Variants in DUSP22 observed in about 807,000 individuals in gnomAD.
The protein encoded by DUSP22 is dual specificity phosphatase 22, also known as dual specificity protein phosphatase 22.
In DUSP22, 24 loss-of-function variants were observed where a neutral mutation model predicts 24.5. The ratio of observed to expected loss-of-function variants is 0.98; its 90% CI spans 0.71 to 1.38. DUSP22 has a LOEUF of 1.38. Ranked by LOEUF, DUSP22 falls within the 40% of genes most tolerant of loss-of-function variation. DUSP22 has a pLI of 0.00. For synonymous variants in DUSP22, 160 were observed against 106.4 expected (o/e 1.50, Z -3.10); for missense variants, 330 against 269.2 (o/e 1.23, Z -1.58).
chr6:339,779 C>T (rs565192875), intron 4 of DUSP22, among the ~76,000 whole-genome samples: 2 of 152,418 alleles, frequency 1.3e-5, no homozygotes, highest in African/African-American at 4.8e-5. Context: ...ATCTTTTTGT[C>T]TATATTTTCT....
chr6:311,628 C>T (rs577403887), intron 2 of DUSP22, among the ~76,000 whole-genome samples: 15 of 152,176 alleles, frequency 9.9e-5, no homozygotes, highest in Non-Finnish European at 1.9e-4. Flanking sequence ...TGCAGTGAGC[C>T]GAGATGGCGC....
At chr6:293,264 G>C (rs1370161671) in intron 1 of DUSP22, among the ~76,000 whole-genome samples, 8 of 152,284 alleles carry the variant, frequency 5.3e-5, no homozygotes, top group African/African-American at 1.9e-4. Context: ...CTCACTTCCC[G>C]GGCGGTGGGC....
chr6:334,910 C>G (rs1338155479), intron 3 of DUSP22, among the ~76,000 whole-genome samples: 9 of 152,292 alleles, frequency 5.9e-5, no homozygotes, highest in Admixed American at 4.6e-4. Flanking sequence ...CAAACCAAAG[C>G]AGGATTATTT....
chr6:334,828 AC>A (rs1759290868), intron 3 of DUSP22, among the ~76,000 whole-genome samples: 1 of 152,306 alleles, frequency 6.6e-6, no homozygotes, highest in South Asian at 2.1e-4. Flanking sequence ...GTTGAAACTT[AC>A]TGAAAAGTAC....
chr6:319,137 T>TAA (rs60613949), intron 3 of DUSP22, among the ~76,000 whole-genome samples: 71 of 150,046 alleles, frequency 4.7e-4, no homozygotes, highest in East Asian at 1.9e-3. Context: ...TTCCTCTATT[T>TAA]AAAAAAAAAA....
intron 1 of DUSP22, among the ~76,000 whole-genome samples, chr6:301,536 G>A (rs17751693): frequency 0.091 from 13,526 of 148,328 alleles, 58 homozygotes; most frequent in Non-Finnish European, 0.14. Flanking sequence ...CACCCAGGAA[G>A]AATATGGCTT....
intron 4 of DUSP22, among the ~76,000 whole-genome samples, chr6:336,314 AG>A (rs1318027102): frequency 6.6e-6 from 1 of 152,300 alleles, no homozygotes; most frequent in Non-Finnish European, 1.5e-5. Context: ...GCTGTGGTGA[AG>A]TTTGTGAATT....
chr6:319,242 C>T (rs912717394), intron 3 of DUSP22, among the ~76,000 whole-genome samples: 4 of 152,298 alleles, frequency 2.6e-5, no homozygotes, highest in Non-Finnish European at 4.4e-5. Flanking sequence ...GTCTGTGGGC[C>T]ATGCTCTGGG....
chr6:335,840 G>A (rs1347573223), intron 4 of DUSP22, among the ~76,000 whole-genome samples: 14 of 152,400 alleles, frequency 9.2e-5, no homozygotes, highest in East Asian at 1.9e-4. Context: ...AAAGCCTGGC[G>A]GAGTGGAATG....
chr6:345,849 C>T lies in DUSP22; in HGVS notation c.189-5C>T, dbSNP rs566311245. 1.7e-5 allele frequency: 27 copies of T among 1,612,684 alleles called. No homozygotes were observed. Among genetic ancestry groups the T allele is most frequent in the Non-Finnish European group, 2.2e-5 (26 of 1,179,484 alleles). ...GATGTCATTTCTCTTTTTTTCTTTT[C>T]CCAGGACAAGACATTTCAAAGAAAG... On this transcript the variant is annotated splice_region_variant and splice_polypyrimidine_tract_variant and intron_variant, in intron 4 of 6. Transcript: ENST00000419235.
rs1384555270 is a variant in DUSP22, at chr6:349,624, A to G, written c.*673A>G. 2 of 987,132 alleles carry G rather than the reference A, an allele frequency of 2.0e-6. No individual in the cohort carries two copies. The highest frequency in any genetic ancestry group is 2.4e-6 in the Non-Finnish European group (2 of 831,360). The allele number at this position is 987,132 out of a possible 1,614,324, so 61.1% of individuals were successfully genotyped here. On this transcript the variant is annotated 3_prime_UTR_variant, in exon 7 of 7. Transcript: ENST00000419235. The stretch of plus-strand genomic sequence containing the variant: ...AGGGAGGGTGGCTCTGGGGCCCTGG[A>G]AAACGTGAGAGACTGCCCTGAGCTG...
intron 3 of DUSP22, among the ~76,000 whole-genome samples, chr6:328,421 A>T (rs1300100469): frequency 6.6e-6 from 1 of 152,306 alleles, no homozygotes; most frequent in Non-Finnish European, 1.5e-5. Flanking sequence ...TTGAACAAAA[A>T]TAAGCTTTTG....
intron 3 of DUSP22, among the ~76,000 whole-genome samples, chr6:319,389 G>A (rs528868984): frequency 1.3e-4 from 20 of 152,424 alleles, no homozygotes; most frequent in Non-Finnish European, 1.9e-4. Context: ...GTCCACGGCC[G>A]ATTGGTACAA....
chr6:313,308 G>A (rs970034458), intron 3 of DUSP22, among the ~76,000 whole-genome samples: 1 of 152,304 alleles, frequency 6.6e-6, no homozygotes, highest in Non-Finnish European at 1.5e-5. Context: ...ACACTGTCAT[G>A]TGTGCACATG....
intron 3 of DUSP22, among the ~76,000 whole-genome samples, chr6:323,993 A>G (rs1262525699): frequency 6.6e-6 from 1 of 152,304 alleles, no homozygotes; most frequent in Non-Finnish European, 1.5e-5. Flanking sequence ...GCCCTGAAGA[A>G]GAAAAGATCT....
At chr6:338,522 G>A (rs1026958394) in intron 4 of DUSP22, among the ~76,000 whole-genome samples, 24 of 152,280 alleles carry the variant, frequency 1.6e-4, no homozygotes, top group African/African-American at 5.3e-4. Flanking sequence ...ATCAACCAAT[G>A]AGGATGGTCA....
Position 329,755 on chromosome 6 carries a change from G to C in DUSP22, c.139-5359G>C, listed in dbSNP as rs765161121. 2.0e-5 allele frequency among the ~76,000 whole-genome samples: 3 copies of C among 152,294 alleles called. No individual in the cohort carries two copies. In the East Asian group the frequency reaches 5.8e-4, roughly 29 times the overall value. On this transcript the variant is annotated intron_variant, in intron 3 of 6. Coordinates refer to ENST00000419235, the MANE Select transcript of DUSP22 (RefSeq NM_001286555.3). Reference sequence around the variant, plus strand: ...GCATGAGCCACCATGCCCAGCCTACGATGATAAATCTTATGTGTATTTTAC... The same window carrying C: ...GCATGAGCCACCATGCCCAGCCTACCATGATAAATCTTATGTGTATTTTAC...
chr6:332,847 G>C (rs987540440), intron 3 of DUSP22, among the ~76,000 whole-genome samples: 5 of 152,294 alleles, frequency 3.3e-5, no homozygotes, highest in African/African-American at 1.2e-4. Flanking sequence ...GGTCTGTCTG[G>C]AGGTGCTGGT....
intron 5 of DUSP22, among the ~76,000 whole-genome samples, chr6:346,538 G>T (rs1282789081): frequency 6.6e-6 from 1 of 152,298 alleles, no homozygotes; most frequent in Non-Finnish European, 1.5e-5. Flanking sequence ...GGCACATAGA[G>T]AGTTCTTAGT....
Sources: allele counts gnomAD v4.1 joint callset (sites outside exome capture counted in the v4.1 genomes callset), GRCh38; gene constraint gnomAD v4.1.1; transcripts MANE v1.5; gene names NCBI Gene and HGNC (gene_info 2026-07-23, HGNC 2026-07-21).